The following MED13L variants were observed in gnomAD, a reference collection of about 807,000 sequenced individuals.
MED13L encodes the protein mediator complex subunit 13L, also known as mediator of RNA polymerase II transcription subunit 13-like.
Under a neutral mutation model 220.9 loss-of-function variants are expected in MED13L, and 7 were observed. The ratio of observed to expected loss-of-function variants is 0.03; its 90% CI spans 0.02 to 0.06. The LOEUF is 0.06. MED13L is among the 10% of genes least tolerant of loss of function. The probability of loss-of-function intolerance (pLI) is 1.00; values close to 1 mark genes in which losing one functional copy is unlikely to be tolerated. For missense variants in MED13L, 1,965 were observed against 2,760.5 expected (o/e 0.71, Z 6.46); for synonymous variants, 1,011 against 1,015.2 (o/e 1.00, Z 0.08).
At chr12:116,080,245 T>G (rs775859915) in intron 4 of MED13L, among the ~76,000 whole-genome samples, 4 of 152,142 alleles carry the variant, frequency 2.6e-5, no homozygotes, top group African/African-American at 9.7e-5. Context: ...AGGGTTTGGA[T>G]AAACAGAGTA....
intron 2 of MED13L, among the ~76,000 whole-genome samples, chr12:116,187,192 T>C (rs916318282): frequency 5.9e-5 from 9 of 152,198 alleles, no homozygotes; most frequent in Admixed American, 3.3e-4. Flanking sequence ...ATTTTCTCTA[T>C]GGAAGTCAAT....
At chr12:116,269,918 T>A (rs1347733850) in intron 1 of MED13L, among the ~76,000 whole-genome samples, 1 of 150,862 alleles carries the variant, frequency 6.6e-6, no homozygotes, top group South Asian at 2.1e-4. Flanking sequence ...TCCTGTCATC[T>A]AGAAAGAAGT....
intron 2 of MED13L, among the ~76,000 whole-genome samples, chr12:116,222,672 T>TGTGTGA (rs1223671720): frequency 6.6e-6 from 1 of 152,208 alleles, no homozygotes; most frequent in Non-Finnish European, 1.5e-5. Context: ...TCCAGGTATG[T>TGTGTGA]GTGTGAGTGT....
chr12:116,261,193 T>C (rs1872486747), intron 1 of MED13L, among the ~76,000 whole-genome samples: 1 of 152,108 alleles, frequency 6.6e-6, no homozygotes, highest in African/African-American at 2.4e-5. Flanking sequence ...CCTACTCTTA[T>C]TGTCTCAAAT....
intron 2 of MED13L, among the ~76,000 whole-genome samples, chr12:116,140,145 TCC>T (rs1158072122): frequency 6.6e-6 from 1 of 151,618 alleles, no homozygotes; most frequent in Non-Finnish European, 1.5e-5. Context: ...AAAAACATAC[TCC>T]CCCCCTTTCC....
At chr12:116,071,544 A>G (rs1870370473) in intron 4 of MED13L, among the ~76,000 whole-genome samples, 1 of 152,208 alleles carries the variant, frequency 6.6e-6, no homozygotes, top group Non-Finnish European at 1.5e-5. Context: ...CTCCTGCCTC[A>G]GCCTCTCGAG....
rs560284757 is a variant in MED13L, at chr12:116,106,535, T to A, written c.395+4893A>T. On this transcript the variant is annotated intron_variant, in intron 3 of 30. Coordinates refer to ENST00000281928, the MANE Select transcript of MED13L (RefSeq NM_015335.5). Reference sequence around the variant, plus strand: ...AAAACTGTGCTTACTTAACCAAAAGTATATATTCAGTAAAAAAGATATTAT... The same window carrying A: ...AAAACTGTGCTTACTTAACCAAAAGAATATATTCAGTAAAAAAGATATTAT... 1.3e-5 allele frequency among the ~76,000 whole-genome samples: 2 copies of A among 152,228 alleles called. 1 individual carries two copies. The highest frequency in any genetic ancestry group is 4.8e-5 in the African/African-American group (2 of 41,548).
Position 115,984,365 on chromosome 12 carries a change from C to T in MED13L, c.4346G>A (p.Arg1449Lys), listed in dbSNP as rs750296553. Residue 1449 changes from arginine to lysine, a missense_variant, in exon 20 of 31, where the codon AGG (arginine) becomes AAG (lysine). Arg to Lys is a conservative substitution (Grantham distance 26). This residue lies in a region of MED13L where 510 missense variants were observed against 620.4 expected (regional missense o/e 0.82). Transcript: ENST00000281928. ...RDLSAVYEMC[R>K]LGQHKPICKV... The stretch of plus-strand genomic sequence containing the variant: ...GCAGATGGGCTTGTGCTGCCCAAGC[C>T]TACACATCTGATATCATAGACAAGA... The T allele has an allele frequency of 2.5e-6, 4 of 1,614,064 alleles. No individual in the cohort carries two copies. Among genetic ancestry groups the T allele is most frequent in the Non-Finnish European group, 2.5e-6 (3 of 1,179,974 alleles).
chr12:116,005,287 T>C (rs1354399642), intron 13 of MED13L, among the ~76,000 whole-genome samples: 1 of 152,180 alleles, frequency 6.6e-6, no homozygotes, highest in East Asian at 1.9e-4. Flanking sequence ...AGGACACACA[T>C]TTCCTGACTC....
At position 115,996,672 on chromosome 12, in the gene MED13L, A is replaced by G. The variant is rs2137328962; in HGVS notation, c.2800T>C (p.Tyr934His). ...PKPEEIKDFS[Y>H]VHKVPSFQPF... ...TGAAAGGATGGAACTTTGTGCACAT[A>G]TGAAAAGTCCTGTGACAACAAAGTG... Residue 934 changes from tyrosine to histidine, a missense_variant, in exon 16 of 31, where the codon TAT (tyrosine) becomes CAT (histidine). Coordinates refer to ENST00000281928, the MANE Select transcript of MED13L (RefSeq NM_015335.5). 1 of 1,613,784 alleles carries G rather than the reference A, an allele frequency of 6.2e-7. No homozygotes were observed. The highest frequency in any genetic ancestry group is 1.7e-4 in the Middle Eastern group (1 of 6,060).
intron 4 of MED13L, among the ~76,000 whole-genome samples, chr12:116,024,567 T>G (rs1260051632): frequency 6.6e-6 from 1 of 152,292 alleles, no homozygotes; most frequent in African/African-American, 2.4e-5. Context: ...TTTTCTCCTA[T>G]TCTGTGGGTT....
intron 2 of MED13L, among the ~76,000 whole-genome samples, chr12:116,118,759 A>G (rs1338926234): frequency 6.6e-6 from 1 of 152,210 alleles, no homozygotes; most frequent in Non-Finnish European, 1.5e-5. Context: ...AACATTAACT[A>G]GACAACACTA....
At chr12:116,117,270 C>T (rs1308298557) in intron 2 of MED13L, among the ~76,000 whole-genome samples, 2 of 152,026 alleles carry the variant, frequency 1.3e-5, no homozygotes, top group Non-Finnish European at 2.9e-5. Context: ...CAATGGTTTC[C>T]AGGGATGGAG....
chr12:116,214,713 G>A (rs1882897509), intron 2 of MED13L, among the ~76,000 whole-genome samples: 1 of 152,004 alleles, frequency 6.6e-6, no homozygotes, highest in South Asian at 2.1e-4. Context: ...CACTCAACAT[G>A]CTCAGAAGCA....
chr12:116,115,638 T>C (rs1425928055), intron 2 of MED13L, among the ~76,000 whole-genome samples: 1 of 147,886 alleles, frequency 6.8e-6, no homozygotes, highest in African/African-American at 2.5e-5. Context: ...AATACGTTAC[T>C]TTTTTTTTTA....
chr12:116,221,045 T>C (rs145015882), intron 2 of MED13L, among the ~76,000 whole-genome samples: 1,656 of 152,144 alleles, frequency 0.011, 10 homozygotes, highest in Non-Finnish European at 0.017. Context: ...ACATATTAAA[T>C]AAAAATGAGT....
At chr12:116,005,016 CAAGTAT>C (rs757530221) in intron 13 of MED13L, among the ~76,000 whole-genome samples, 27 of 152,220 alleles carry the variant, frequency 1.8e-4, no homozygotes, top group Non-Finnish European at 3.1e-4. Flanking sequence ...GTGAGTGTCT[CAAGTAT>C]AAGGGTGGTA....
chr12:116,240,769 C>G (rs1035361272), intron 1 of MED13L, among the ~76,000 whole-genome samples: 4 of 151,062 alleles, frequency 2.6e-5, no homozygotes, highest in African/African-American at 9.7e-5. Flanking sequence ...CCTCGTGACC[C>G]GCCCACCTCC....
At chr12:116,005,004 C>G (rs535716044) in intron 13 of MED13L, among the ~76,000 whole-genome samples, 2 of 152,282 alleles carry the variant, frequency 1.3e-5, no homozygotes, top group South Asian at 4.1e-4. Context: ...CTCCTTATGT[C>G]TGTGAGTGTC....
Sources: gnomAD v4.1 joint callset for allele counts (sites outside exome capture counted in the v4.1 genomes callset) on GRCh38, gnomAD v4.1.1 for gene constraint, gnomAD v4.1.1 regional missense constraint, MANE v1.5 for transcripts, NCBI Gene and HGNC (gene_info 2026-07-23, HGNC 2026-07-21) for gene names.